Variants in BMP2K observed in about 807,000 individuals in gnomAD.
The protein encoded by BMP2K is BMP2 inducible kinase, also known as BMP-2-inducible protein kinase.
Under a neutral mutation model 116.0 loss-of-function variants are expected in BMP2K, and 74 were observed. The ratio of observed to expected loss-of-function variants is 0.64; its 90% CI spans 0.53 to 0.77. The LOEUF is 0.77. Ranked by LOEUF, BMP2K falls within the 30% of genes least tolerant of loss-of-function variation. BMP2K has a pLI of 0.00. For synonymous variants in BMP2K, 486 were observed against 502.5 expected (o/e 0.97, Z 0.44); for missense variants, 1,365 against 1,403.6 (o/e 0.97, Z 0.44).
At chr4:78,812,020 C>A (rs1729117589) in intron 1 of BMP2K, among the ~76,000 whole-genome samples, 1 of 152,032 alleles carries the variant, frequency 6.6e-6, no homozygotes. Context: ...ATCACCCAGG[C>A]TAGAGTGGAG....
intron 15 of BMP2K, among the ~76,000 whole-genome samples, chr4:78,890,234 T>G (rs573046848): frequency 6.2e-4 from 95 of 152,300 alleles, no homozygotes; most frequent in Non-Finnish European, 1.1e-3. Context: ...CTTAAACTCC[T>G]TAGAGGTAAT....
rs1318635493 is a variant in BMP2K at position 78,776,469 on chromosome 4, G to A, written c.-75G>A. 12 of 1,102,068 alleles carry A rather than the reference G, an allele frequency of 1.1e-5. No individual in the cohort carries two copies. The highest frequency in any genetic ancestry group is 1.3e-5 in the Non-Finnish European group (12 of 905,276). 68.3% of individuals were successfully genotyped at this position (1,102,068 alleles called of 1,614,324 possible). A position where few individuals can be genotyped will look rare whatever the true frequency, so the allele number is the denominator to read the frequency against. ...CGGGCCAGGGGCGGCGACCCCTCGC[G>A]GACGCCCGGCTGCGCGCCGGGCCGG... On this transcript the variant is annotated 5_prime_UTR_variant, in exon 1 of 16. Coordinates refer to ENST00000502613, the MANE Select transcript of BMP2K (RefSeq NM_198892.2).
intron 7 of BMP2K, 129 bp from the exon 8 acceptor site, chr4:78,859,455 A>C: frequency 1.8e-6 from 1 of 541,788 alleles, no homozygotes; most frequent in Non-Finnish European, 3.1e-6. Context: ...GCATTAATAA[A>C]GTTTGCTAGA....
At chr4:78,806,840 C>CTTTTT (rs1038770824) in intron 1 of BMP2K, among the ~76,000 whole-genome samples, 1 of 128,280 alleles carries the variant, frequency 7.8e-6, no homozygotes. Flanking sequence ...CTTATCTTTT[C>CTTTTT]TTTTTTTTTT....
intron 5 of BMP2K, among the ~76,000 whole-genome samples, chr4:78,846,912 A>T (rs1422423712): frequency 1.3e-5 from 2 of 151,462 alleles, no homozygotes; most frequent in Admixed American, 1.3e-4. Flanking sequence ...TTTCCAATAT[A>T]TTGTCATTAT....
Position 78,871,066 on chromosome 4 carries a change from T to G in BMP2K, c.1509+6T>G. 1 of 1,601,264 alleles carries G rather than the reference T, an allele frequency of 6.2e-7. No homozygotes were observed. Among genetic ancestry groups the G allele is most frequent in the African/African-American group, 1.3e-5 (1 of 74,842 alleles). ...AAGATGCTTATATGCAGCAGGTAAT[T>G]TTTTTGTTTCTTTAGATATGGAAGT... On this transcript the variant is annotated splice_donor_region_variant and intron_variant, in intron 11 of 15. Transcript: ENST00000502613.
chr4:78,890,068 C>CT, intron 15 of BMP2K, among the ~76,000 whole-genome samples: 1 of 151,888 alleles, frequency 6.6e-6, no homozygotes, highest in Non-Finnish European at 1.5e-5. Flanking sequence ...TTAGTATATA[C>CT]TTTTTTCTGC....
intron 3 of BMP2K, among the ~76,000 whole-genome samples, chr4:78,839,706 A>G (rs777875198): frequency 3.0e-4 from 46 of 152,298 alleles, no homozygotes; most frequent in Non-Finnish European, 5.9e-4. Flanking sequence ...GCTGAGGAGC[A>G]AGGAAGCCAG....
intron 7 of BMP2K, among the ~76,000 whole-genome samples, chr4:78,857,659 A>G (rs1378755886): frequency 6.6e-6 from 1 of 152,102 alleles, no homozygotes; most frequent in Non-Finnish European, 1.5e-5. Context: ...TTAGGCCACT[A>G]GTCCATACTG....
At chr4:78,779,113 T>C (rs193223406) in intron 1 of BMP2K, among the ~76,000 whole-genome samples, 2 of 152,360 alleles carry the variant, frequency 1.3e-5, no homozygotes, top group East Asian at 3.9e-4. Flanking sequence ...TAATTAGTTA[T>C]GTTGCAAAAA....
At chr4:78,882,139 A>G (rs950406166) in intron 14 of BMP2K, among the ~76,000 whole-genome samples, 2 of 151,962 alleles carry the variant, frequency 1.3e-5, no homozygotes, top group Non-Finnish European at 2.9e-5. Flanking sequence ...GGAAAATAAT[A>G]TGCTGTTTAG....
At position 78,914,943 on chromosome 4, in the gene BMP2K, G is replaced by T. The variant is rs933925474; in HGVS notation, c.*2910G>T. 5 of 151,826 alleles carry T rather than the reference G, an allele frequency of 3.3e-5. No homozygotes were observed. Among genetic ancestry groups the T allele is most frequent in the African/African-American group, 1.2e-4 (5 of 41,370 alleles). 9.4% of individuals were successfully genotyped at this position (151,826 alleles called of 1,614,324 possible). A position where few individuals can be genotyped will look rare whatever the true frequency, so the allele number is the denominator to read the frequency against. On this transcript the variant is annotated 3_prime_UTR_variant, in exon 16 of 16. Transcript: ENST00000502613. ...TAATCCTTTAAAAAGTGGACCATTT[G>T]CTTATTTTAATATCACGTCAGTAAA... is the stretch of plus-strand genomic sequence containing the variant.
rs146954201 is a variant in BMP2K, at chr4:78,809,671, T to G, written c.179-16366T>G. Among the ~76,000 whole-genome samples the G allele has an allele frequency of 3.4e-3, 523 of 151,896 alleles. 15 individuals are homozygous for G. The East Asian group carries it at 0.084, about 24-fold the overall frequency. The stretch of plus-strand genomic sequence containing the variant: ...TTGGAATTATAAATGTGAGCCACTG[T>G]GCCTGGTTTAAAGTGTTTTTTTTTT... On this transcript the variant is annotated intron_variant, in intron 1 of 15. Transcript: ENST00000502613.
At chr4:78,834,526 G>A (rs1300154813) in intron 3 of BMP2K, among the ~76,000 whole-genome samples, 1 of 152,126 alleles carries the variant, frequency 6.6e-6, no homozygotes, top group Non-Finnish European at 1.5e-5. Flanking sequence ...CTCCCAAAGT[G>A]CTGGGATTAC....
chr4:78,894,019 G>A (rs1733574842), intron 15 of BMP2K, among the ~76,000 whole-genome samples: 1 of 152,176 alleles, frequency 6.6e-6, no homozygotes, highest in Non-Finnish European at 1.5e-5. Flanking sequence ...ATTTTGAAAG[G>A]AATCTTCTTT....
intron 6 of BMP2K, among the ~76,000 whole-genome samples, chr4:78,850,084 T>C (rs1731175044): frequency 1.3e-5 from 2 of 151,712 alleles, no homozygotes; most frequent in African/African-American, 4.8e-5. Flanking sequence ...AAATACCCCT[T>C]ACACTCTTAA....
Position 78,826,078 on chromosome 4 carries a change from A to G in BMP2K, c.220A>G (p.Ile74Val). 1 of 1,614,202 alleles carries G rather than the reference A, an allele frequency of 6.2e-7. No individual in the cohort carries two copies. Among genetic ancestry groups the G allele is most frequent in the Non-Finnish European group, 8.5e-7 (1 of 1,180,016 alleles). Reference sequence around the variant, plus strand: ...TTTCCTCGTGCGTACTCACGGTGGAATCCGATGTGCATTGAAGCGAATGTA... The same window carrying G: ...TTTCCTCGTGCGTACTCACGGTGGAGTCCGATGTGCATTGAAGCGAATGTA... The part of the protein sequence containing the change: ...TVFLVRTHGG[I>V]RCALKRMYVN... The change falls in exon 2 of 16, where the codon ATC becomes GTC. Residue 74 changes from isoleucine (I) to valine (V), a missense_variant. Physicochemically the swap from Ile to Val is conservative, Grantham distance 29 (BLOSUM62 3). Transcript: ENST00000502613.
intron 8 of BMP2K, among the ~76,000 whole-genome samples, chr4:78,861,175 G>A (rs1731759610): frequency 6.6e-6 from 1 of 151,748 alleles, no homozygotes; most frequent in African/African-American, 2.4e-5. Context: ...GGTTTCTGTG[G>A]CACATGAATA....
chr4:78,818,367 T>C (rs1023047942), intron 1 of BMP2K, among the ~76,000 whole-genome samples: 3 of 152,210 alleles, frequency 2.0e-5, no homozygotes, highest in Non-Finnish European at 4.4e-5. Flanking sequence ...TGAACTTATT[T>C]ACACTCCCAC....
Sources: allele counts gnomAD v4.1 joint callset (sites outside exome capture counted in the v4.1 genomes callset), GRCh38; gene constraint gnomAD v4.1.1; transcripts MANE v1.5; gene names NCBI Gene and HGNC (gene_info 2026-07-23, HGNC 2026-07-21).